LSAMP: variants seen among roughly 807,000 people sequenced by gnomAD.
LSAMP encodes the protein limbic system-associated membrane protein.
In LSAMP, 7 loss-of-function variants were observed where a neutral mutation model predicts 38.6. The observed-to-expected ratio is 0.18, with a 90% CI of 0.10 to 0.34. The LOEUF is 0.34. Ranked by LOEUF, LSAMP falls within the 10% of genes least tolerant of loss-of-function variation. LSAMP has a pLI of 1.00. For missense variants in LSAMP, 313 were observed against 420.0 expected (o/e 0.75, Z 2.23); for synonymous variants, 154 against 166.8 (o/e 0.92, Z 0.59).
intron 1 of LSAMP, among the ~76,000 whole-genome samples, chr3:116,419,166 G>T (rs1009750613): frequency 3.3e-5 from 5 of 152,138 alleles, no homozygotes; most frequent in Non-Finnish European, 7.4e-5. Context: ...ATTATACCTG[G>T]TGATGACTGA....
chr3:115,893,056 C>G (rs1936640777), intron 3 of LSAMP, among the ~76,000 whole-genome samples: 1 of 151,666 alleles, frequency 6.6e-6, no homozygotes, highest in Non-Finnish European at 1.5e-5. Flanking sequence ...AACAGAAAAC[C>G]AAACACTGCA....
At chr3:116,344,452 T>C (rs1175461722) in intron 1 of LSAMP, among the ~76,000 whole-genome samples, 1 of 152,076 alleles carries the variant, frequency 6.6e-6, no homozygotes, top group Non-Finnish European at 1.5e-5. Context: ...GCATGCAAAC[T>C]TGCAAGGAGA....
At chr3:115,955,055 C>T (rs146076361) in intron 3 of LSAMP, among the ~76,000 whole-genome samples, 1,614 of 151,932 alleles carry the variant, frequency 0.011, 15 homozygotes, top group Non-Finnish European at 0.016. Flanking sequence ...CCCGGGTTCA[C>T]GCCATTCTCC....
chr3:116,315,886 T>C (rs1347332239), intron 1 of LSAMP, among the ~76,000 whole-genome samples: 2 of 152,158 alleles, frequency 1.3e-5, no homozygotes, highest in African/African-American at 4.8e-5. Context: ...TGGTATATGA[T>C]GAATAGTTAA....
intron 2 of LSAMP, among the ~76,000 whole-genome samples, chr3:116,033,316 G>C (rs890150528): frequency 6.6e-6 from 1 of 152,044 alleles, no homozygotes; most frequent in Non-Finnish European, 1.5e-5. Flanking sequence ...ATCCCAAATG[G>C]GGCAAGCCTC....
At chr3:116,279,918 A>T (rs1363903402) in intron 1 of LSAMP, among the ~76,000 whole-genome samples, 1 of 152,218 alleles carries the variant, frequency 6.6e-6, no homozygotes, top group East Asian at 1.9e-4. Flanking sequence ...TAATACATTG[A>T]AAACATTTAC....
intron 3 of LSAMP, among the ~76,000 whole-genome samples, chr3:115,880,128 T>C (rs1452251900): frequency 1.3e-5 from 2 of 152,158 alleles, no homozygotes; most frequent in Non-Finnish European, 2.9e-5. Context: ...GCAGAGTGGA[T>C]ATCAGTGATT....
At chr3:116,153,267 AC>A (rs1397701110) in intron 1 of LSAMP, among the ~76,000 whole-genome samples, 2 of 152,122 alleles carry the variant, frequency 1.3e-5, no homozygotes, top group African/African-American at 4.8e-5. Context: ...TCACTCTAGA[AC>A]ATCTGAGAAA....
intron 1 of LSAMP, among the ~76,000 whole-genome samples, chr3:116,404,811 A>AT (rs1316515052): frequency 6.6e-6 from 1 of 152,164 alleles, no homozygotes; most frequent in East Asian, 1.9e-4. Context: ...TATGGCTCAT[A>AT]TTTTTTCCTA....
chr3:116,411,409 A>T (rs1358640676), intron 1 of LSAMP, among the ~76,000 whole-genome samples: 1 of 151,994 alleles, frequency 6.6e-6, no homozygotes, highest in Non-Finnish European at 1.5e-5. Flanking sequence ...GGATTAAGAA[A>T]ATGTGGCACA....
intron 1 of LSAMP, among the ~76,000 whole-genome samples, chr3:116,136,932 G>C: frequency 6.6e-6 from 1 of 152,038 alleles, no homozygotes; most frequent in East Asian, 1.9e-4. Flanking sequence ...AAACTTGGTG[G>C]CTTAAAACAA....
intron 2 of LSAMP, among the ~76,000 whole-genome samples, chr3:116,058,939 T>G (rs1436796005): frequency 2.3e-5 from 1 of 44,330 alleles, no homozygotes; most frequent in Non-Finnish European, 4.2e-5. Context: ...TGTTTGTTCG[T>G]TTTTTTTTTT....
chr3:116,318,721 A>G (rs2047667630), intron 1 of LSAMP, among the ~76,000 whole-genome samples: 1 of 152,228 alleles, frequency 6.6e-6, no homozygotes, highest in Non-Finnish European at 1.5e-5. Context: ...TCAATACAAT[A>G]TATTATATTT....
chr3:115,914,141 A>G (rs1937194667), intron 3 of LSAMP, among the ~76,000 whole-genome samples: 1 of 152,194 alleles, frequency 6.6e-6, no homozygotes, highest in Non-Finnish European at 1.5e-5. Flanking sequence ...AAAAAAATGG[A>G]AGACCTAGAG....
chr3:116,415,570 C>T (rs1276421113), intron 1 of LSAMP, among the ~76,000 whole-genome samples: 1 of 152,048 alleles, frequency 6.6e-6, no homozygotes, highest in East Asian at 1.9e-4. Flanking sequence ...GGAAGAATTA[C>T]CCAGATCATC....
intron 1 of LSAMP, among the ~76,000 whole-genome samples, chr3:116,278,462 A>G (rs977971769): frequency 1.3e-5 from 2 of 152,210 alleles, no homozygotes; most frequent in African/African-American, 4.8e-5. Flanking sequence ...ACCAAGCAGG[A>G]ACATAAATTC....
At chr3:116,380,242 G>A (rs748217995) in intron 1 of LSAMP, among the ~76,000 whole-genome samples, 7 of 151,984 alleles carry the variant, frequency 4.6e-5, no homozygotes, top group South Asian at 4.1e-4. Flanking sequence ...TATTTGGAGC[G>A]TATAGAGATA....
rs978173305 is a variant in LSAMP, at chr3:116,000,669, A to T, written c.514+18846T>A. On this transcript the variant is annotated intron_variant, in intron 3 of 6. Coordinates refer to ENST00000490035, the MANE Select transcript of LSAMP (RefSeq NM_002338.5). The stretch of plus-strand genomic sequence containing the variant: ...GAGAAGGGGAGTGAGGAAAGACGAT[A>T]TTGGCTCTTCCTTCAAGTAACACAT... Among the ~76,000 whole-genome samples the T allele has an allele frequency of 1.4e-4, 21 of 152,330 alleles. No individual in the cohort carries two copies. The South Asian group carries it at 1.7e-3, about 12-fold the overall frequency.
intron 1 of LSAMP, among the ~76,000 whole-genome samples, chr3:116,108,858 A>G (rs1231504880): frequency 6.6e-6 from 1 of 151,962 alleles, no homozygotes; most frequent in Non-Finnish European, 1.5e-5. Context: ...TGTGCTGGAG[A>G]TGTGGCTGGG....
Sources: gnomAD v4.1 joint callset for allele counts (sites outside exome capture counted in the v4.1 genomes callset) on GRCh38, gnomAD v4.1.1 for gene constraint, MANE v1.5 for transcripts, NCBI Gene and HGNC (gene_info 2026-07-23, HGNC 2026-07-21) for gene names.